Variants in CCND3 observed in about 807,000 individuals in gnomAD.
CCND3 encodes the protein G1/S-specific cyclin-D3.
CCND3 carries 9 observed loss-of-function variants against 28.7 expected under a neutral mutation model. The observed-to-expected ratio is 0.31, with a 90% CI of 0.19 to 0.55. The LOEUF (loss-of-function observed/expected upper bound fraction) is 0.55. CCND3 is among the 20% of genes least tolerant of loss of function. The pLI is 0.93. For missense variants in CCND3, 315 were observed against 385.8 expected, an observed-to-expected ratio of 0.82 and a Z score of 1.54; for synonymous variants, 164 against 163.9, an observed-to-expected ratio of 1.00 and a Z score of 0.00.
At chr6:41,974,506 C>T (rs965633459) in intron 1 of CCND3, among the ~76,000 whole-genome samples, 1 of 152,046 alleles carries the variant, frequency 6.6e-6, no homozygotes, top group African/African-American at 2.4e-5. Context: ...ACAGTGAGCC[C>T]GTGATGGTGC....
chr6:41,971,848 T>C (rs1762038803), intron 1 of CCND3, among the ~76,000 whole-genome samples: 1 of 150,720 alleles, frequency 6.6e-6, no homozygotes, highest in African/African-American at 2.4e-5. Flanking sequence ...TTCCTTTTTC[T>C]TTATTTTTGG....
chr6:42,001,214 A>G (rs9471722), intron 1 of CCND3, among the ~76,000 whole-genome samples: 130,604 of 133,348 alleles, frequency 0.98, 64,024 homozygotes, highest in East Asian at 1. Context: ...CAGCCTGGGC[A>G]ACAGAGCAAG....
chr6:41,953,356 C>G (rs1167497908), intron 1 of CCND3, among the ~76,000 whole-genome samples: 1 of 151,752 alleles, frequency 6.6e-6, no homozygotes, highest in East Asian at 1.9e-4. Flanking sequence ...ATATACACAA[C>G]TGGGCAAGTG....
intron 1 of CCND3, among the ~76,000 whole-genome samples, chr6:42,047,445 C>T (rs1764578467): frequency 6.6e-6 from 1 of 152,182 alleles, no homozygotes; most frequent in South Asian, 2.1e-4. Flanking sequence ...TCTCTATCCA[C>T]GTCTGGTCCC....
intron 1 of CCND3, among the ~76,000 whole-genome samples, chr6:42,044,797 T>TTA (rs1404395335): frequency 3.3e-5 from 5 of 151,082 alleles, no homozygotes; most frequent in Non-Finnish European, 4.4e-5. Context: ...ATTTATTTAT[T>TTA]TATTTATTTG....
intron 1 of CCND3, among the ~76,000 whole-genome samples, chr6:42,038,706 CAT>C (rs1330954921): frequency 6.6e-6 from 1 of 151,948 alleles, no homozygotes; most frequent in African/African-American, 2.4e-5. Flanking sequence ...ATAGAAATAA[CAT>C]AAAAATTATT....
chr6:41,967,159 C>G (rs756327750), intron 1 of CCND3, among the ~76,000 whole-genome samples: 1 of 152,014 alleles, frequency 6.6e-6, no homozygotes, highest in African/African-American at 2.4e-5. Flanking sequence ...GGTTTCAGAC[C>G]CATGGTTCCT....
rs1356703047 is a variant in CCND3 at position 42,048,646 on chromosome 6, T to A, written c.-191A>T. 1 of 518,316 alleles carries A rather than the reference T, an allele frequency of 1.9e-6. No individual in the cohort carries two copies. Among genetic ancestry groups the A allele is most frequent in the Non-Finnish European group, 3.9e-6 (1 of 259,622 alleles). The allele number at this position is 518,316 out of a possible 1,614,324, so 32.1% of individuals were successfully genotyped here. A position where few individuals can be genotyped will look rare whatever the true frequency, so the allele number is the denominator to read the frequency against. On this transcript the variant is annotated 5_prime_UTR_variant, in exon 1 of 5. Transcript: ENST00000372988. The surrounding 1 kb of genome is among the most constrained non-coding windows in gnomAD (Gnocchi z 4.7). ...TTGCACCTCTCCCCCCCGGCCGGCA[T>A]CCGAACAGAGCCAGTCTCCACCCCT...
In CCND3 at chr6:41,936,767, C is replaced by G. The variant is rs2127390638; in HGVS notation, c.575-72G>C. The G allele has an allele frequency of 6.5e-7, 1 of 1,527,640 alleles. No individual in the cohort carries two copies. The highest frequency in any genetic ancestry group is 1.4e-5 in the African/African-American group (1 of 73,122). 94.6% of individuals were successfully genotyped at this position (1,527,640 alleles called of 1,614,324 possible). ...TAACGGCCAGCATGGACTTCCGACT[C>G]CTTGGAAAGTGCCAGGCAGCATGAG... On this transcript the variant is annotated intron_variant, in intron 3 of 4. Transcript: ENST00000372991. This position sits in a 1 kb window ranked among gnomAD's most constrained non-coding sequence, Gnocchi z 4.4.
intron 1 of CCND3, among the ~76,000 whole-genome samples, chr6:41,994,698 T>C (rs1762744910): frequency 6.6e-6 from 1 of 152,092 alleles, no homozygotes; most frequent in African/African-American, 2.4e-5. Context: ...TGAGGGAAGC[T>C]GTGCATGTAT....
intron 1 of CCND3, among the ~76,000 whole-genome samples, chr6:42,024,316 T>C (rs1243707393): frequency 1.3e-5 from 2 of 149,820 alleles, no homozygotes; most frequent in Non-Finnish European, 3.0e-5. Context: ...GGCAGGAGAA[T>C]GGCATGAACC....
intron 1 of CCND3, among the ~76,000 whole-genome samples, chr6:41,948,780 AG>A (rs1776232643): frequency 6.7e-6 from 1 of 149,678 alleles, no homozygotes; most frequent in African/African-American, 2.5e-5. Context: ...CGGGAAGCGG[AG>A]GTTGCAGTGA....
At chr6:41,989,513 G>A (rs1436283103) in intron 1 of CCND3, among the ~76,000 whole-genome samples, 2 of 150,924 alleles carry the variant, frequency 1.3e-5, no homozygotes, top group African/African-American at 4.9e-5. Context: ...TTACAAAGTG[G>A]GCAGAAGAAC....
At chr6:42,014,400 AAAAC>A (rs879615856) in intron 1 of CCND3, among the ~76,000 whole-genome samples, 5 of 151,972 alleles carry the variant, frequency 3.3e-5, no homozygotes, top group Admixed American at 1.3e-4. Flanking sequence ...AAAACAAAAC[AAAAC>A]AAAGGCCTCC....
At chr6:42,017,317 C>T (rs1763553429) in intron 1 of CCND3, among the ~76,000 whole-genome samples, 1 of 152,226 alleles carries the variant, frequency 6.6e-6, no homozygotes, top group South Asian at 2.1e-4. Context: ...ACAGCTGGAG[C>T]TCTTGTTCAC....
At chr6:42,036,019 C>T (rs951349653) in intron 1 of CCND3, among the ~76,000 whole-genome samples, 1 of 150,140 alleles carries the variant, frequency 6.7e-6, no homozygotes, top group African/African-American at 2.5e-5. Context: ...GAGACAGAGT[C>T]TTGCTCTGTC....
chr6:41,947,116 G>T (rs780834321), intron 1 of CCND3, among the ~76,000 whole-genome samples: 1 of 152,054 alleles, frequency 6.6e-6, no homozygotes, highest in Non-Finnish European at 1.5e-5. Flanking sequence ...AGCTACTCAG[G>T]AGGCTGAGGA....
chr6:41,937,909 T>C (rs1335174876), intron 2 of CCND3: 1 of 164,530 alleles, frequency 6.1e-6, no homozygotes, highest in African/African-American at 2.4e-5. Context: ...GAAGGGAGTA[T>C]GACTCCTCCA....
At chr6:42,000,046 G>GCA (rs1191778213) in intron 1 of CCND3, among the ~76,000 whole-genome samples, 1 of 5,788 alleles carries the variant, frequency 1.7e-4, no homozygotes, top group African/African-American at 2.0e-4. Context: ...ATAGGCCTGT[G>GCA]TATGTGTGTG....
Sources: gnomAD v4.1 joint callset for allele counts (sites outside exome capture counted in the v4.1 genomes callset) on GRCh38, gnomAD v4.1.1 for gene constraint, Gnocchi (gnomAD v3.1) non-coding constraint, MANE v1.5 for transcripts, NCBI Gene and HGNC (gene_info 2026-07-23, HGNC 2026-07-21) for gene names.